Variants in PAX2 observed in about 807,000 individuals in gnomAD.
PAX2 encodes paired box 2.
Under a neutral mutation model 41.7 loss-of-function variants are expected in PAX2, and 9 were observed. The ratio of observed to expected loss-of-function variants is 0.22; its 90% confidence interval spans 0.13 to 0.38. PAX2 has a LOEUF of 0.38. Ranked by LOEUF, PAX2 falls within the 10% of genes least tolerant of loss-of-function variation. PAX2 has a pLI of 1.00. For synonymous variants in PAX2, 221 were observed against 212.7 expected, an observed-to-expected ratio of 1.04 and a Z score of -0.34; for missense variants, 418 against 531.6, an observed-to-expected ratio of 0.79 and a Z score of 2.10.
rs560086470 is a variant in PAX2, at chr10:100,750,518, G to A, written c.213-176G>A. The stretch of plus-strand genomic sequence containing the variant: ...ATGGTACCCCTTGTCCTCCTACTCC[G>A]CGGCGCTCCTCCTAGCCAGGCACCC... On this transcript the variant is annotated intron_variant, in intron 2 of 9. Transcript: ENST00000355243. This position sits in a 1 kb window ranked among gnomAD's most constrained non-coding sequence, Gnocchi z 4.1. 5.8e-4 allele frequency among the ~76,000 whole-genome samples: 88 copies of A among 152,312 alleles called. No homozygotes were observed. The South Asian group carries it at 6.8e-3, about 12-fold the overall frequency.
At chr10:100,751,016 A>G in intron 3 of PAX2, 125 bp downstream of exon 3, 2 of 786,108 alleles carry the variant, frequency 2.5e-6, no homozygotes, top group Non-Finnish European at 4.4e-6. Flanking sequence ...TCCAGCCCCA[A>G]ATCCTTCTGT....
intron 3 of PAX2, among the ~76,000 whole-genome samples, chr10:100,771,673 C>T (rs1203291682): frequency 1.3e-5 from 2 of 152,138 alleles, no homozygotes; most frequent in African/African-American, 2.4e-5. Flanking sequence ...AAAAGTCTCC[C>T]GCTGTTAGTG....
chr10:100,810,614 C>T (rs1216865493), intron 7 of PAX2, among the ~76,000 whole-genome samples: 1 of 152,248 alleles, frequency 6.6e-6, no homozygotes, highest in Non-Finnish European at 1.5e-5. Context: ...CCAGGCCAGG[C>T]CACCTTTCTC....
At chr10:100,803,263 G>A (rs562893262) in intron 5 of PAX2, among the ~76,000 whole-genome samples, 4 of 152,046 alleles carry the variant, frequency 2.6e-5, no homozygotes, top group African/African-American at 9.7e-5. Context: ...GGTGCGGAAG[G>A]CTTCTTCCCT....
intron 3 of PAX2, among the ~76,000 whole-genome samples, chr10:100,758,433 C>T (rs1465122254): frequency 6.6e-6 from 1 of 151,940 alleles, no homozygotes; most frequent in African/African-American, 2.4e-5. Context: ...AGCCACCGCG[C>T]CCGGCCGTCA....
At chr10:100,751,629 T>A (rs928960889) in intron 3 of PAX2, among the ~76,000 whole-genome samples, 1 of 152,210 alleles carries the variant, frequency 6.6e-6, no homozygotes, top group Admixed American at 6.5e-5. Context: ...CTGAGTCAGC[T>A]TGACGTGTAG....
At chr10:100,774,026 A>G (rs1029868122) in intron 3 of PAX2, among the ~76,000 whole-genome samples, 4 of 152,182 alleles carry the variant, frequency 2.6e-5, no homozygotes, top group African/African-American at 9.7e-5. Context: ...AAGTGGAGAG[A>G]GGAGCAGAGA....
At chr10:100,773,999 A>G (rs1195545238) in intron 3 of PAX2, among the ~76,000 whole-genome samples, 1 of 152,194 alleles carries the variant, frequency 6.6e-6, no homozygotes, top group Non-Finnish European at 1.5e-5. Context: ...AGACAGACAG[A>G]CAGACAAAGA....
intron 5 of PAX2, among the ~76,000 whole-genome samples, chr10:100,804,317 A>T (rs2133945385): frequency 6.9e-6 from 1 of 145,594 alleles, no homozygotes; most frequent in African/African-American, 2.6e-5. Context: ...GCCAAGCCAC[A>T]CACAGACAGG....
At chr10:100,766,918 A>T (rs1213158694) in intron 3 of PAX2, among the ~76,000 whole-genome samples, 1 of 152,218 alleles carries the variant, frequency 6.6e-6, no homozygotes, top group Admixed American at 6.5e-5. Flanking sequence ...AGATGCTGAT[A>T]TGATCAATGA....
At chr10:100,771,772 T>G (rs992502625) in intron 3 of PAX2, among the ~76,000 whole-genome samples, 22 of 152,186 alleles carry the variant, frequency 1.4e-4, no homozygotes, top group Non-Finnish European at 2.6e-4. Flanking sequence ...ACCACCTGCA[T>G]TAGCTGGGCA....
rs1006435479 is a variant in PAX2 at position 100,746,094 on chromosome 10, G to T, written c.-167G>T. 3 of 1,521,430 alleles carry T rather than the reference G, an allele frequency of 2.0e-6. No homozygotes were observed. The highest frequency in any genetic ancestry group is 2.8e-5 in the African/African-American group (2 of 71,530). 94.2% of individuals were successfully genotyped at this position (1,521,430 alleles called of 1,614,324 possible). ...CCGGCCAACCCGGAGGAGCCCCAGC[G>T]GGGAGCGCAGTGCTGCGCCCCCCGC... On this transcript the variant is annotated 5_prime_UTR_variant, in exon 1 of 10. Coordinates refer to ENST00000355243, the MANE Select transcript of PAX2 (RefSeq NM_000278.5).
At position 100,779,572 on chromosome 10, in the gene PAX2, G is replaced by T; in HGVS notation, c.485G>T (p.Gly162Val). ...GCTGGGACAGGAGTGACCGCCCCTG[G>T]CCACACCATTGGTAAGAGGGCTCAG... ...DGAGTGVTAP[G>V]HTIVPSTASP... The change falls in exon 4 of 10, where the codon GGC becomes GTC. Residue 162 changes from glycine (G) to valine (V), a missense_variant. Physicochemically the swap from Gly to Val is moderately radical, Grantham distance 109. Coordinates refer to ENST00000355243, the MANE Select transcript of PAX2 (RefSeq NM_000278.5). 2 of 1,587,296 alleles carry T rather than the reference G, an allele frequency of 1.3e-6. No homozygotes were observed. Among genetic ancestry groups the T allele is most frequent in the South Asian group, 2.3e-5 (2 of 86,504 alleles).
chr10:100,759,126 C>T (rs1845747578), intron 3 of PAX2, among the ~76,000 whole-genome samples: 1 of 152,128 alleles, frequency 6.6e-6, no homozygotes, highest in South Asian at 2.1e-4. Flanking sequence ...CTTGGATTTG[C>T]TCATCCGAGC....
Position 100,826,652 on chromosome 10 carries a change from G to T in PAX2, c.1022-357G>T, listed in dbSNP as rs1390077007. ...TTAGGGGCCATGCCTCCTAGAACCG[G>T]AGTGGCATCTATAAAGGCCCTGGCC... On this transcript the variant is annotated intron_variant, in intron 8 of 9. Coordinates refer to ENST00000355243, the MANE Select transcript of PAX2 (RefSeq NM_000278.5). This position sits in a 1 kb window ranked among gnomAD's most constrained non-coding sequence, Gnocchi z 5.5. 6.6e-6 allele frequency among the ~76,000 whole-genome samples: 1 copy of T among 152,220 alleles called. No homozygotes were observed. Among genetic ancestry groups the T allele is most frequent in the African/African-American group, 2.4e-5 (1 of 41,464 alleles).
At chr10:100,781,496 C>A in intron 5 of PAX2, 131 bp downstream of exon 5, 3 of 959,378 alleles carry the variant, frequency 3.1e-6, no homozygotes, top group Non-Finnish European at 3.4e-6. Context: ...CAGGTCCCCC[C>A]ACTGCCCTGC....
upstream of PAX2, among the ~76,000 whole-genome samples, chr10:100,741,503 GGCCGGGCAGGA>G (rs1844957183): frequency 6.6e-6 from 1 of 151,726 alleles, no homozygotes; most frequent in African/African-American, 2.4e-5. Context: ...GAGGGGGAAA[GGCCGGGCAGGA>G]GCCGGTCAGG....
intron 3 of PAX2, among the ~76,000 whole-genome samples, chr10:100,765,756 G>C (rs1177222093): frequency 6.6e-6 from 1 of 151,230 alleles, no homozygotes; most frequent in African/African-American, 2.5e-5. Context: ...GTGCTACCTG[G>C]CTGCAATTTT....
chr10:100,799,225 C>T (rs1847453511), intron 5 of PAX2, among the ~76,000 whole-genome samples: 1 of 152,150 alleles, frequency 6.6e-6, no homozygotes, highest in African/African-American at 2.4e-5. Context: ...CAAGGCCCAT[C>T]ACCCACTGGT....
Sources: allele counts gnomAD v4.1 joint callset (sites outside exome capture counted in the v4.1 genomes callset), GRCh38; gene constraint gnomAD v4.1.1; non-coding constraint Gnocchi (gnomAD v3.1); transcripts MANE v1.5; gene names NCBI Gene and HGNC (gene_info 2026-07-23, HGNC 2026-07-21).